Variants in OXSR1 observed in about 807,000 individuals in gnomAD.
OXSR1 encodes oxidative stress responsive kinase 1.
Under a neutral mutation model 79.8 loss-of-function variants are expected in OXSR1, and 24 were observed. The ratio of observed to expected loss-of-function variants is 0.30; its 90% confidence interval spans 0.22 to 0.42. The LOEUF (loss-of-function observed/expected upper bound fraction) is 0.42, where lower values mean the gene tolerates loss of function less well. OXSR1 is among the 10% of genes least tolerant of loss of function. The pLI, the probability that OXSR1 is intolerant of heterozygous loss-of-function variation, is 1.00. For missense variants in OXSR1, 430 were observed against 618.4 expected, an observed-to-expected ratio of 0.70 and a Z score of 3.23; for synonymous variants, 226 against 209.2, an observed-to-expected ratio of 1.08 and a Z score of -0.69.
At position 38,209,314 on chromosome 3, in the gene OXSR1, G is replaced by A. The variant is rs568920105; in HGVS notation, c.435-6782G>A. Reference sequence around the variant, plus strand: ...GCTCACTGCAGCCTTGACCTCTTGGGCTCAAGTAATTCTCCTGCCTCAGAC... The same window carrying A: ...GCTCACTGCAGCCTTGACCTCTTGGACTCAAGTAATTCTCCTGCCTCAGAC... On this transcript the variant is annotated intron_variant, in intron 4 of 17. Coordinates refer to ENST00000311806, the MANE Select transcript of OXSR1 (RefSeq NM_005109.3). Among the ~76,000 whole-genome samples, 8 of 152,150 alleles carry A rather than the reference G, an allele frequency of 5.3e-5. No homozygotes were observed. In the South Asian group the frequency reaches 1.7e-3, roughly 32 times the overall value.
At chr3:38,201,185 C>T (rs1024018828) in intron 4 of OXSR1, among the ~76,000 whole-genome samples, 2 of 152,122 alleles carry the variant, frequency 1.3e-5, no homozygotes, top group African/African-American at 4.8e-5. Flanking sequence ...GGATTACAGG[C>T]ATGTGCTGCT....
At chr3:38,249,229 A>G (rs762462222) in intron 14 of OXSR1, among the ~76,000 whole-genome samples, 15 of 152,170 alleles carry the variant, frequency 9.9e-5, no homozygotes, top group Non-Finnish European at 1.9e-4. Context: ...GCCCTTAGAT[A>G]TAGTGTTCTC....
At chr3:38,167,148 A>G (rs1020769718) in intron 1 of OXSR1, among the ~76,000 whole-genome samples, 3 of 152,306 alleles carry the variant, frequency 2.0e-5, no homozygotes, top group Middle Eastern at 3.4e-3. Flanking sequence ...TTTAAGTATC[A>G]CTGGAGGCCC....
chr3:38,251,685 A>C (rs1337291619), intron 16 of OXSR1, among the ~76,000 whole-genome samples: 1 of 152,226 alleles, frequency 6.6e-6, no homozygotes, highest in East Asian at 1.9e-4. Flanking sequence ...GGTAAGTGAA[A>C]GCACACCCAA....
intron 3 of OXSR1, among the ~76,000 whole-genome samples, chr3:38,197,702 A>G (rs1702093284): frequency 6.6e-6 from 1 of 152,196 alleles, no homozygotes; most frequent in African/African-American, 2.4e-5. Flanking sequence ...ACTTGCGTTC[A>G]GTCCTTCATG....
At chr3:38,243,973 C>T (rs942967292) in intron 12 of OXSR1, among the ~76,000 whole-genome samples, 5 of 152,176 alleles carry the variant, frequency 3.3e-5, no homozygotes, top group Non-Finnish European at 7.3e-5. Flanking sequence ...GCTACCATGA[C>T]CTGCATTCCT....
At chr3:38,214,046 AC>A (rs1233042079) in intron 4 of OXSR1, among the ~76,000 whole-genome samples, 5 of 152,048 alleles carry the variant, frequency 3.3e-5, no homozygotes, top group African/African-American at 4.8e-5. Context: ...CCCATTTTTG[AC>A]TGTAACATAT....
intron 2 of OXSR1, among the ~76,000 whole-genome samples, chr3:38,188,503 T>G (rs960427429): frequency 1.3e-5 from 2 of 152,184 alleles, no homozygotes; most frequent in Non-Finnish European, 2.9e-5. Context: ...CTGTTTATCA[T>G]TTCTCCATCA....
chr3:38,229,679 G>A lies in OXSR1; in HGVS notation c.837-8G>A, dbSNP rs1702765602. ...AAAAACTTTTCTTCCCTCCCTTCCT[G>A]GTTTTAGACCAACAGCAGCAGAACT... On this transcript the variant is annotated splice_region_variant and splice_polypyrimidine_tract_variant and intron_variant, in intron 8 of 17. Transcript: ENST00000311806. The A allele has an allele frequency of 6.2e-7, 1 of 1,608,504 alleles. No individual in the cohort carries two copies.
At chr3:38,216,058 A>T (rs202144591) in intron 4 of OXSR1, 38 bp from the exon 5 acceptor site, 37 of 1,254,698 alleles carry the variant, frequency 2.9e-5, no homozygotes, top group Admixed American at 5.9e-5. Flanking sequence ...CAAAGAATAG[A>T]TGTTTTTTGA....
intron 5 of OXSR1, among the ~76,000 whole-genome samples, chr3:38,219,905 T>C (rs1360421005): frequency 6.6e-6 from 1 of 152,026 alleles, no homozygotes; most frequent in Non-Finnish European, 1.5e-5. Context: ...ACTCGTAGGC[T>C]CAAGCAGTCC....
chr3:38,239,908 C>CT (rs1004851620), intron 11 of OXSR1, among the ~76,000 whole-genome samples: 1 of 152,190 alleles, frequency 6.6e-6, no homozygotes, highest in Non-Finnish European at 1.5e-5. Context: ...AGGCCCACCA[C>CT]TTTTTTTCCC....
chr3:38,254,058 A>C lies in OXSR1; in HGVS notation c.*1167A>C, dbSNP rs886533958. The C allele has an allele frequency of 2.5e-6, 1 of 397,284 alleles. No homozygotes were observed. The highest frequency in any genetic ancestry group is 4.4e-6 in the Non-Finnish European group (1 of 225,358). The allele number at this position is 397,284 out of a possible 1,614,324, so 24.6% of individuals were successfully genotyped here. A position where few individuals can be genotyped will look rare whatever the true frequency, so the allele number is the denominator to read the frequency against. ...AGCACTCATAATGCAATATGTGAAT[A>C]ATCAGTGAGGTTGATTTTTCTTTTT... On this transcript the variant is annotated 3_prime_UTR_variant, in exon 18 of 18. Coordinates refer to ENST00000311806, the MANE Select transcript of OXSR1 (RefSeq NM_005109.3).
intron 6 of OXSR1, among the ~76,000 whole-genome samples, chr3:38,222,283 G>A (rs1702604104): frequency 6.6e-6 from 1 of 152,200 alleles, no homozygotes. Context: ...GACCAGCAGA[G>A]TTGCACTGAG....
chr3:38,236,836 C>G lies in OXSR1; in HGVS notation c.952-3C>G. 6.3e-7 allele frequency: 1 copy of G among 1,593,060 alleles called. No individual in the cohort carries two copies. Among genetic ancestry groups the G allele is most frequent in the Non-Finnish European group, 8.6e-7 (1 of 1,168,878 alleles). ...ATAACCCACTTCTCTTTCTAATGAG[C>G]AGGTTCGGAGAGTACCAGGTTCCAG... On this transcript the variant is annotated splice_polypyrimidine_tract_variant and splice_region_variant and intron_variant, in intron 10 of 17. Coordinates refer to ENST00000311806, the MANE Select transcript of OXSR1 (RefSeq NM_005109.3).
intron 16 of OXSR1, 132 bp downstream of exon 16, chr3:38,251,603 A>G (rs1703258296): frequency 1.4e-6 from 1 of 719,630 alleles, no homozygotes; most frequent in African/African-American, 1.8e-5. Context: ...TCCTGAAATT[A>G]TAGGTAATGG....
intron 11 of OXSR1, 80 bp from the exon 12 acceptor site, chr3:38,242,663 T>C: frequency 1.4e-6 from 1 of 733,772 alleles, no homozygotes; most frequent in South Asian, 1.8e-5. Context: ...GATTTGCATT[T>C]AACATCACTT....
chr3:38,188,585 C>A (rs1365696955), intron 2 of OXSR1, among the ~76,000 whole-genome samples: 1 of 152,144 alleles, frequency 6.6e-6, no homozygotes, highest in Non-Finnish European at 1.5e-5. Flanking sequence ...CATTGATTTT[C>A]TATGTGGTAT....
At chr3:38,181,441 C>T (rs1332606332) in intron 1 of OXSR1, among the ~76,000 whole-genome samples, 18 of 151,194 alleles carry the variant, frequency 1.2e-4, no homozygotes, top group African/African-American at 3.9e-4. Context: ...CTGCAACCTC[C>T]GCCTCCCAGG....
Sources: gnomAD v4.1 joint callset for allele counts (sites outside exome capture counted in the v4.1 genomes callset) on GRCh38, gnomAD v4.1.1 for gene constraint, MANE v1.5 for transcripts, NCBI Gene and HGNC (gene_info 2026-07-23, HGNC 2026-07-21) for gene names.